Variants in SNX29 observed in about 807,000 individuals in gnomAD.
SNX29 encodes the protein sorting nexin-29.
Under a neutral mutation model 102.1 loss-of-function variants are expected in SNX29, and 78 were observed. That is an observed-to-expected ratio of 0.76 (90% CI 0.64 to 0.92). The LOEUF is 0.92. SNX29 is among the 40% of genes least tolerant of loss of function. SNX29 has a pLI of 0.00. For missense variants in SNX29, 1,280 were observed against 1,061.7 expected, an observed-to-expected ratio of 1.21 and a Z score of -2.86; for synonymous variants, 580 against 414.5, an observed-to-expected ratio of 1.40 and a Z score of -4.85.
At position 12,261,251 on chromosome 16, in the gene SNX29, C is replaced by T. The variant is rs1345819561; in HGVS notation, c.1679-16682C>T. Among the ~76,000 whole-genome samples, 3 of 126,604 alleles carry T rather than the reference C, an allele frequency of 2.4e-5. 1 individual carries two copies. The highest frequency in any genetic ancestry group is 4.8e-5 in the Non-Finnish European group (3 of 61,918). The allele number at this position is 126,604 out of a possible 152,430, so 83.1% of individuals were successfully genotyped here. On this transcript the variant is annotated intron_variant, in intron 14 of 20. Transcript: ENST00000566228. The stretch of plus-strand genomic sequence containing the variant: ...TTTGCTGAGCTCGGGTCTGTGTGCG[C>T]ACCCCCGGGTGAAGTGAGTGTTTGC...
intron 13 of SNX29, among the ~76,000 whole-genome samples, chr16:12,148,150 G>T (rs558180810): frequency 1.3e-5 from 2 of 152,302 alleles, no homozygotes; most frequent in South Asian, 4.1e-4. Flanking sequence ...TCCTTCAAAT[G>T]CATTCTTACT....
chr16:12,556,159 T>G (rs1169204100), intron 20 of SNX29, among the ~76,000 whole-genome samples: 1 of 152,158 alleles, frequency 6.6e-6, no homozygotes, highest in Non-Finnish European at 1.5e-5. Context: ...TTAAATCGCT[T>G]TGTCGCCATG....
intron 18 of SNX29, among the ~76,000 whole-genome samples, chr16:12,407,540 T>C (rs901853103): frequency 6.6e-6 from 1 of 152,214 alleles, no homozygotes; most frequent in African/African-American, 2.4e-5. Context: ...GATATTTGGG[T>C]AGCACTATAA....
At chr16:12,537,647 AGTT>A (rs762540822) in intron 20 of SNX29, among the ~76,000 whole-genome samples, 1 of 152,184 alleles carries the variant, frequency 6.6e-6, no homozygotes, top group Non-Finnish European at 1.5e-5. Context: ...ATATTATTAC[AGTT>A]GTTTGCCCTA....
chr16:12,450,139 C>T (rs1033911629), intron 18 of SNX29, among the ~76,000 whole-genome samples: 1 of 152,216 alleles, frequency 6.6e-6, no homozygotes, highest in African/African-American at 2.4e-5. Context: ...TGCCATGATT[C>T]TGAGGCCTCC....
At chr16:12,156,447 A>T (rs1374267131) in intron 13 of SNX29, among the ~76,000 whole-genome samples, 4 of 152,216 alleles carry the variant, frequency 2.6e-5, no homozygotes, top group Non-Finnish European at 5.9e-5. Flanking sequence ...CTGGGATTAC[A>T]GGCGTGAGCC....
chr16:12,215,400 ATTG>A (rs2077296228), intron 14 of SNX29, among the ~76,000 whole-genome samples: 1 of 151,726 alleles, frequency 6.6e-6, no homozygotes, highest in South Asian at 2.1e-4. Context: ...TAAGTATTAG[ATTG>A]TTATCATCAA....
intron 11 of SNX29, among the ~76,000 whole-genome samples, chr16:12,117,295 G>T (rs1277242741): frequency 1.5e-5 from 2 of 129,294 alleles, no homozygotes; most frequent in Non-Finnish European, 3.3e-5. Context: ...CGGACGAACC[G>T]TGGAAACAGG....
At chr16:12,539,556 C>G (rs891192976) in intron 20 of SNX29, among the ~76,000 whole-genome samples, 1 of 152,220 alleles carries the variant, frequency 6.6e-6, no homozygotes, top group East Asian at 1.9e-4. Context: ...CATTCAAGTG[C>G]AGCTTTTTGT....
Position 12,361,080 on chromosome 16 carries a change from A to C in SNX29, c.1899+4801A>C, listed in dbSNP as rs191384825. On this transcript the variant is annotated intron_variant, in intron 16 of 20. Coordinates refer to ENST00000566228, the MANE Select transcript of SNX29 (RefSeq NM_032167.5). ...GCAGTGGCCCTGCCACCCGTGTTGCACATTAGAGACTTGGGCAGCATCTAA... is the reference window on the plus strand; with the variant it reads ...GCAGTGGCCCTGCCACCCGTGTTGCCCATTAGAGACTTGGGCAGCATCTAA... Among the ~76,000 whole-genome samples, 461 of 152,340 alleles carry C rather than the reference A, an allele frequency of 3.0e-3. 2 individuals are homozygous for C. The highest frequency in any genetic ancestry group is 2.6e-3 in the Non-Finnish European group (176 of 68,030).
intron 4 of SNX29, among the ~76,000 whole-genome samples, chr16:12,028,846 T>G (rs2057263827): frequency 6.6e-6 from 1 of 152,098 alleles, no homozygotes; most frequent in Admixed American, 6.6e-5. Context: ...CTTCCTGGGT[T>G]CAGGCGATTC....
chr16:12,559,506 G>T (rs979174985), intron 20 of SNX29, among the ~76,000 whole-genome samples: 1 of 151,868 alleles, frequency 6.6e-6, no homozygotes, highest in Non-Finnish European at 1.5e-5. Flanking sequence ...ATGTACAAAT[G>T]TAACACACTT....
chr16:12,386,054 G>T (rs1159182746), intron 16 of SNX29, among the ~76,000 whole-genome samples: 1 of 152,212 alleles, frequency 6.6e-6, no homozygotes, highest in Admixed American at 6.5e-5. Context: ...CCCCGTCACT[G>T]CAGAGTTCTG....
At chr16:12,459,771 C>T (rs2086699404) in intron 18 of SNX29, among the ~76,000 whole-genome samples, 1 of 152,166 alleles carries the variant, frequency 6.6e-6, no homozygotes, top group African/African-American at 2.4e-5. Context: ...TGGTCCTGCC[C>T]CTCAGGAGGC....
chr16:12,045,478 C>T (rs1419364835), intron 5 of SNX29, among the ~76,000 whole-genome samples: 2 of 151,992 alleles, frequency 1.3e-5, no homozygotes, highest in Non-Finnish European at 2.9e-5. Flanking sequence ...GGCCAGATGA[C>T]CTTGGACAGG....
intron 14 of SNX29, among the ~76,000 whole-genome samples, chr16:12,257,220 T>C (rs2142443381): frequency 6.6e-6 from 1 of 152,300 alleles, no homozygotes; most frequent in Admixed American, 6.5e-5. Flanking sequence ...CAATGGCATG[T>C]TGAGTCCTTT....
chr16:12,402,069 C>G (rs576999188), intron 17 of SNX29, among the ~76,000 whole-genome samples: 1 of 152,334 alleles, frequency 6.6e-6, no homozygotes, highest in East Asian at 1.9e-4. Context: ...GGCACTAATA[C>G]AATTTCAGGG....
At position 12,573,699 on chromosome 16, in the gene SNX29, G is replaced by T; in HGVS notation, c.*5070G>T. On this transcript the variant is annotated 3_prime_UTR_variant, in exon 21 of 21. Coordinates refer to ENST00000566228, the MANE Select transcript of SNX29 (RefSeq NM_032167.5). The stretch of plus-strand genomic sequence containing the variant: ...CAGAGGATGCCCTTGCAAAAATTGG[G>T]ACTGAGGACAGTAGCACACGGAATG... 4.5e-6 allele frequency: 1 copy of T among 223,702 alleles called. No individual in the cohort carries two copies. The highest frequency in any genetic ancestry group is 8.9e-6 in the Non-Finnish European group (1 of 112,010). The allele number at this position is 223,702 out of a possible 1,614,324, so 13.9% of individuals were successfully genotyped here. A position where few individuals can be genotyped will look rare whatever the true frequency, so the allele number is the denominator to read the frequency against.
intron 16 of SNX29, among the ~76,000 whole-genome samples, chr16:12,361,771 T>C (rs2082306127): frequency 6.6e-6 from 1 of 152,166 alleles, no homozygotes; most frequent in Admixed American, 6.6e-5. Flanking sequence ...AGTATCAAAA[T>C]TTTTAGACTC....
Sources: gnomAD v4.1 joint callset for allele counts (sites outside exome capture counted in the v4.1 genomes callset) on GRCh38, gnomAD v4.1.1 for gene constraint, MANE v1.5 for transcripts, NCBI Gene and HGNC (gene_info 2026-07-23, HGNC 2026-07-21) for gene names.